The following ZNF536 variants were observed in gnomAD, a reference collection of about 807,000 sequenced individuals.
ZNF536 encodes the protein zinc finger protein 536.
ZNF536 carries 13 observed loss-of-function variants against 84.5 expected under a neutral mutation model. The observed-to-expected ratio is 0.15, with a 90% CI of 0.10 to 0.24. The LOEUF (loss-of-function observed/expected upper bound fraction) is 0.24, where lower values mean the gene tolerates loss of function less well. ZNF536 is among the 10% of genes least tolerant of loss of function. ZNF536 has a pLI of 1.00. For missense variants in ZNF536, 1,536 were observed against 1,747.5 expected (o/e 0.88, Z 2.16); for synonymous variants, 811 against 742.5 (o/e 1.09, Z -1.50).
chr19:30,575,672 T>C (rs1430282399), intron 1 of ZNF536, among the ~76,000 whole-genome samples: 1 of 152,104 alleles, frequency 6.6e-6, no homozygotes, highest in Non-Finnish European at 1.5e-5. Flanking sequence ...GGTTAGATGG[T>C]GAGAAGGCTA....
At chr19:30,250,026 G>A (rs1018132406) in intron 1 of ZNF536, among the ~76,000 whole-genome samples, 1 of 152,190 alleles carries the variant, frequency 6.6e-6, no homozygotes, top group East Asian at 1.9e-4. Context: ...AAGCAATTCA[G>A]GACCCAACTG....
chr19:30,428,031 T>C (rs573207481), intron 1 of ZNF536, among the ~76,000 whole-genome samples: 1 of 152,354 alleles, frequency 6.6e-6, no homozygotes, highest in African/African-American at 2.4e-5. Context: ...CCTGCTCACA[T>C]GCCTTTTGTC....
chr19:30,389,609 A>G, intron 1 of ZNF536, among the ~76,000 whole-genome samples: 1 of 152,178 alleles, frequency 6.6e-6, no homozygotes, highest in East Asian at 1.9e-4. Context: ...CATTCATGAG[A>G]AAGTTCCAGA....
At chr19:30,603,140 T>G (rs1244586578) in intron 1 of ZNF536, among the ~76,000 whole-genome samples, 1 of 152,180 alleles carries the variant, frequency 6.6e-6, no homozygotes, top group Admixed American at 6.5e-5. Flanking sequence ...AATACATATA[T>G]TCAACGTCTG....
At chr19:30,638,408 G>A (rs1459406445) in intron 1 of ZNF536, among the ~76,000 whole-genome samples, 1 of 152,154 alleles carries the variant, frequency 6.6e-6, no homozygotes, top group Non-Finnish European at 1.5e-5. Flanking sequence ...CTTCTGGGGA[G>A]GCCTCAGGAA....
chr19:30,557,263 A>G lies in ZNF536; in HGVS notation c.*99A>G. ...GTTAATCGTGTAAAGTCAAGAGAAG[A>G]ATGTATACACATATGTGTGTTGAAT... On this transcript the variant is annotated 3_prime_UTR_variant, in exon 5 of 5. Coordinates refer to ENST00000355537, the MANE Select transcript of ZNF536 (RefSeq NM_014717.3). 7.4e-7 allele frequency: 1 copy of G among 1,353,912 alleles called. No homozygotes were observed. Among genetic ancestry groups the G allele is most frequent in the Non-Finnish European group, 1.1e-6 (1 of 946,252 alleles). The allele number at this position is 1,353,912 out of a possible 1,614,324, so 83.9% of individuals were successfully genotyped here.
chr19:30,411,668 A>G (rs2050500762), intron 1 of ZNF536, among the ~76,000 whole-genome samples: 1 of 152,102 alleles, frequency 6.6e-6, no homozygotes, highest in Non-Finnish European at 1.5e-5. Flanking sequence ...ATATTTGTCT[A>G]CTTCTGTATA....
chr19:30,596,200 T>A (rs2047457307), intron 1 of ZNF536, among the ~76,000 whole-genome samples: 1 of 149,058 alleles, frequency 6.7e-6, no homozygotes, highest in African/African-American at 2.5e-5. Context: ...TTCCACTGAA[T>A]GACAGCAAAA....
chr19:30,553,520 C>A (rs1052468932), intron 4 of ZNF536, among the ~76,000 whole-genome samples: 1 of 152,188 alleles, frequency 6.6e-6, no homozygotes, highest in African/African-American at 2.4e-5. Flanking sequence ...GCACTGTGTC[C>A]TTTGGTGGAC....
intron 1 of ZNF536, among the ~76,000 whole-genome samples, chr19:30,277,634 T>A (rs2045284216): frequency 5.3e-5 from 8 of 152,252 alleles, no homozygotes; most frequent in Admixed American, 3.9e-4. Context: ...CCAACATGCA[T>A]GTGAATGCTC....
intron 1 of ZNF536, among the ~76,000 whole-genome samples, chr19:30,685,049 A>T (rs538130787): frequency 3.3e-5 from 5 of 152,250 alleles, no homozygotes; most frequent in Admixed American, 1.3e-4. Context: ...AGCCTACCAG[A>T]TTGGACTCAA....
chr19:30,642,601 A>G (rs2049306404), intron 1 of ZNF536, among the ~76,000 whole-genome samples: 1 of 152,224 alleles, frequency 6.6e-6, no homozygotes, highest in Non-Finnish European at 1.5e-5. Context: ...TCGGGCTGTC[A>G]TTACGGAGAG....
intron 2 of ZNF536, among the ~76,000 whole-genome samples, chr19:30,338,501 A>ATAG (rs1337418675): frequency 1.3e-4 from 19 of 151,624 alleles, no homozygotes; most frequent in African/African-American, 4.6e-4. Flanking sequence ...GATGATGATG[A>ATAG]TGATGATGAT....
intron 1 of ZNF536, among the ~76,000 whole-genome samples, chr19:30,636,259 C>G (rs969123459): frequency 2.0e-5 from 3 of 152,094 alleles, no homozygotes; most frequent in African/African-American, 7.2e-5. Flanking sequence ...CCTACGCAGA[C>G]AGGAAAAGTG....
intron 3 of ZNF536, among the ~76,000 whole-genome samples, chr19:30,537,845 T>C (rs1010202843): frequency 1.3e-5 from 2 of 152,186 alleles, no homozygotes; most frequent in African/African-American, 4.8e-5. Context: ...AAAGAAGCCA[T>C]GGAAACATCA....
intron 1 of ZNF536, among the ~76,000 whole-genome samples, chr19:30,422,542 C>T (rs1467694147): frequency 1.3e-5 from 2 of 152,168 alleles, no homozygotes; most frequent in African/African-American, 4.8e-5. Flanking sequence ...CTGTGTTCTT[C>T]CTGCTCTCAG....
chr19:30,575,949 C>G (rs1023229825), intron 1 of ZNF536, among the ~76,000 whole-genome samples: 1 of 152,212 alleles, frequency 6.6e-6, no homozygotes, highest in Non-Finnish European at 1.5e-5. Context: ...AAGAGCGACT[C>G]CGGCAGAGGC....
upstream of ZNF536, among the ~76,000 whole-genome samples, chr19:30,368,801 G>A (rs2146989706): frequency 6.6e-6 from 1 of 152,308 alleles, no homozygotes; most frequent in Admixed American, 6.5e-5. Flanking sequence ...CCAAGGGAGG[G>A]GACTGGTGGA....
chr19:30,493,541 A>G (rs1300845919), intron 2 of ZNF536, among the ~76,000 whole-genome samples: 2 of 152,194 alleles, frequency 1.3e-5, no homozygotes, highest in Non-Finnish European at 2.9e-5. Flanking sequence ...AAGAAGAAAA[A>G]CAAATCCATA....
Sources: gnomAD v4.1 joint callset for allele counts (sites outside exome capture counted in the v4.1 genomes callset) on GRCh38, gnomAD v4.1.1 for gene constraint, MANE v1.5 for transcripts, NCBI Gene and HGNC (gene_info 2026-07-23, HGNC 2026-07-21) for gene names.